CHFR: variants seen among roughly 807,000 people sequenced by gnomAD.
The protein encoded by CHFR is checkpoint with forkhead and ring finger domains.
CHFR carries 57 observed loss-of-function variants against 87.6 expected under a neutral mutation model. The observed-to-expected ratio is 0.65, with a 90% CI of 0.53 to 0.81. The LOEUF is 0.81. Among genes scored for constraint, CHFR ranks in the 30% least tolerant of loss-of-function variants. The pLI is 0.00. For synonymous variants in CHFR, 381 were observed against 359.2 expected (o/e 1.06, Z -0.69); for missense variants, 797 against 865.8 (o/e 0.92, Z 1.00).
rs764905392 is a variant in CHFR at position 132,877,557 on chromosome 12, G to C, written c.231C>G (p.Thr77=). 26 of 1,595,288 alleles carry C rather than the reference G, an allele frequency of 1.6e-5. No individual in the cohort carries two copies. In the South Asian group the frequency reaches 2.9e-4, roughly 18 times the overall value. ...AAAGAAGCTCAGAACATACTCACCT[G>C]GTATCTTCCAGTGTCACCTGACCTG... The part of the protein sequence containing the change: ...EKSGQVTLED[T]STSGTVINKL... Residue 77 remains threonine (T), a splice_region_variant and synonymous_variant, in exon 3 of 18, where the codon ACC becomes ACG. Transcript: ENST00000450056.
chr12:132,860,893 C>G (rs1257520973), intron 7 of CHFR, among the ~76,000 whole-genome samples: 1 of 152,214 alleles, frequency 6.6e-6, no homozygotes, highest in East Asian at 1.9e-4. Flanking sequence ...GCTGGGATTA[C>G]AGGCATGCAC....
intron 12 of CHFR, 51 bp from the exon 13 acceptor site, chr12:132,848,775 C>A: frequency 7.4e-7 from 1 of 1,347,200 alleles, no homozygotes. Flanking sequence ...GGGCTGTCTC[C>A]AACACAATTC....
intron 12 of CHFR, among the ~76,000 whole-genome samples, chr12:132,850,929 C>T (rs182464502): frequency 1.1e-3 from 171 of 150,112 alleles, no homozygotes; most frequent in African/African-American, 3.7e-3. Context: ...AAATAAAGGA[C>T]AAGCTCCATT....
intron 10 of CHFR, 156 bp from the exon 11 acceptor site, chr12:132,853,729 C>T: frequency 1.2e-6 from 1 of 844,062 alleles, no homozygotes; most frequent in Non-Finnish European, 1.7e-6. Flanking sequence ...TCCAGCACCC[C>T]AGTGTTAGAG....
chr12:132,871,604 T>G (rs1951491513), intron 4 of CHFR, among the ~76,000 whole-genome samples: 1 of 151,536 alleles, frequency 6.6e-6, no homozygotes, highest in South Asian at 2.1e-4. Flanking sequence ...AAACCCCGTC[T>G]CTACTAAAAA....
chr12:132,880,431 G>C (rs187933172), intron 2 of CHFR, among the ~76,000 whole-genome samples: 6 of 151,916 alleles, frequency 3.9e-5, no homozygotes, highest in Admixed American at 2.6e-4. Context: ...CCAAGGGGGG[G>C]GCGGATCACA....
intron 10 of CHFR, chr12:132,853,902 C>A: frequency 3.2e-6 from 1 of 312,836 alleles, no homozygotes. Flanking sequence ...CGCGCACGCC[C>A]CGTGCTCCTC....
At position 132,861,537 on chromosome 12, in the gene CHFR, A is replaced by G. The variant is rs758662673; in HGVS notation, c.681T>C (p.Thr227=). The G allele has an allele frequency of 1.1e-5, 17 of 1,614,216 alleles. No homozygotes were observed. The highest frequency in any genetic ancestry group is 8.5e-6 in the Non-Finnish European group (10 of 1,180,040). ...GGGGTTCCAACGACGAAAAGGACGCAGTCTTTCTGTCTGGGAGAGCTGAGG... is the reference window on the plus strand; with the variant it reads ...GGGGTTCCAACGACGAAAAGGACGCGGTCTTTCTGTCTGGGAGAGCTGAGG... ...SFASALPDRK[T]ASFSSLEPQD... Residue 227 remains threonine, a synonymous_variant, in exon 7 of 18, where the codon ACT becomes ACC. Coordinates refer to ENST00000450056, the MANE Select transcript of CHFR (RefSeq NM_001161346.2).
chr12:132,853,436 G>C lies in CHFR; in HGVS notation c.1367C>G (p.Thr456Arg), dbSNP rs752333209. ...GDAPSTSVSL[T>R]TAVQDYVCPL... ...CTGAGGGCGGCGCGGCTCACCTGTCGTCAGGCTGACGGACGTGGAGGGTGC... is the reference window on the plus strand; with the variant it reads ...CTGAGGGCGGCGCGGCTCACCTGTCCTCAGGCTGACGGACGTGGAGGGTGC... The change falls in exon 11 of 18, where the codon ACG becomes AGG. Residue 456 changes from threonine to arginine, a missense_variant. Thr to Arg is a moderately conservative substitution (Grantham distance 71). Transcript: ENST00000450056. 11 of 1,522,820 alleles carry C rather than the reference G, an allele frequency of 7.2e-6. No homozygotes were observed. The South Asian group carries it at 1.4e-4, about 19-fold the overall frequency. 94.3% of individuals were successfully genotyped at this position (1,522,820 alleles called of 1,614,324 possible).
chr12:132,869,281 C>T (rs903024815), intron 6 of CHFR, among the ~76,000 whole-genome samples: 1 of 152,044 alleles, frequency 6.6e-6, no homozygotes, highest in African/African-American at 2.4e-5. Flanking sequence ...CTGGTGGGCA[C>T]CGGTTTCCTT....
intron 11 of CHFR, among the ~76,000 whole-genome samples, chr12:132,852,205 G>C (rs1220358643): frequency 6.6e-6 from 1 of 151,636 alleles, no homozygotes; most frequent in African/African-American, 2.4e-5. Flanking sequence ...AGCCAGGATG[G>C]TCTCAATCTC....
intron 10 of CHFR, chr12:132,853,833 TCC>T (rs1011688776): frequency 1.2e-5 from 6 of 483,530 alleles, no homozygotes; most frequent in African/African-American, 1.0e-4. Context: ...GGTCACTAGG[TCC>T]CCACTGACGT....
intron 6 of CHFR, among the ~76,000 whole-genome samples, chr12:132,863,305 C>T (rs188113510): frequency 0.011 from 1,621 of 151,296 alleles, 10 homozygotes; most frequent in Non-Finnish European, 0.016. Context: ...GTCAGGAGTT[C>T]GAGACCAGCC....
intron 15 of CHFR, 80 bp downstream of exon 15, chr12:132,846,963 G>A: frequency 6.0e-6 from 6 of 997,654 alleles, no homozygotes; most frequent in Non-Finnish European, 4.8e-6. Flanking sequence ...GGTCGGAGTT[G>A]TCACTGGGAG....
chr12:132,887,514 G>A, intron 1 of CHFR, 33 bp downstream of exon 1: 2 of 200,496 alleles, frequency 1.0e-5, no homozygotes, highest in Non-Finnish European at 1.8e-5. Context: ...CCCCTTCGCC[G>A]CCCGCCGCAG....
rs1453952707 is a variant in CHFR at position 132,853,674 on chromosome 12, C to T, written c.1230-101G>A. 9 of 1,344,254 alleles carry T rather than the reference C, an allele frequency of 6.7e-6. No homozygotes were observed. In the Admixed American group the frequency reaches 1.7e-4, roughly 25 times the overall value. 83.3% of individuals were successfully genotyped at this position (1,344,254 alleles called of 1,614,324 possible). ...AGCCATCACAGCTCAGCTCCACCGT[C>T]GCTCAGCTGCTTGGTGTGAGGGGAA... On this transcript the variant is annotated intron_variant, in intron 10 of 17. Transcript: ENST00000450056.
At chr12:132,887,169 C>A (rs1454764347) in intron 2 of CHFR, 27 bp downstream of exon 2, 2 of 1,447,350 alleles carry the variant, frequency 1.4e-6, no homozygotes, top group South Asian at 1.3e-5. Context: ...CCGGCCCCGG[C>A]CCCCGGCCCC....
At chr12:132,885,943 A>G (rs901862929) in intron 2 of CHFR, among the ~76,000 whole-genome samples, 2 of 152,206 alleles carry the variant, frequency 1.3e-5, no homozygotes, top group African/African-American at 2.4e-5. Context: ...TGTTATGATG[A>G]TATCTAAATA....
At chr12:132,848,803 G>A in intron 12 of CHFR, 79 bp from the exon 13 acceptor site, 1 of 1,065,396 alleles carries the variant, frequency 9.4e-7, no homozygotes. Flanking sequence ...CCAGGCTCAG[G>A]AGCTCAACTC....
Sources: allele counts gnomAD v4.1 joint callset (sites outside exome capture counted in the v4.1 genomes callset), GRCh38; gene constraint gnomAD v4.1.1; transcripts MANE v1.5; gene names NCBI Gene and HGNC (gene_info 2026-07-23, HGNC 2026-07-21).